Variants in SMYD1 observed in about 807,000 individuals in gnomAD.
SMYD1 encodes SET and MYND domain containing 1, also known as histone-lysine N-methyltransferase SMYD1.
Under a neutral mutation model 54.0 loss-of-function variants are expected in SMYD1, and 49 were observed. The observed-to-expected ratio is 0.91, with a 90% CI of 0.72 to 1.15. The LOEUF is 1.15. Ranked by LOEUF, SMYD1 falls within the 50% of genes most tolerant of loss-of-function variation. The probability of loss-of-function intolerance (pLI) is 0.00; values close to 1 mark genes in which losing one functional copy is unlikely to be tolerated. For missense variants in SMYD1, 653 were observed against 639.6 expected, an observed-to-expected ratio of 1.02 and a Z score of -0.23; for synonymous variants, 269 against 234.2, an observed-to-expected ratio of 1.15 and a Z score of -1.36.
intron 8 of SMYD1, among the ~76,000 whole-genome samples, chr2:88,107,124 C>T (rs1044123001): frequency 2.6e-5 from 4 of 152,030 alleles, no homozygotes; most frequent in Non-Finnish European, 5.9e-5. Flanking sequence ...TGGCGTGAAC[C>T]TGGGAGGCGG....
chr2:88,080,088 A>G (rs9309643), intron 1 of SMYD1, among the ~76,000 whole-genome samples: 9,030 of 152,268 alleles, frequency 0.059, 870 homozygotes, highest in African/African-American at 0.2. Context: ...ACATGTGTTC[A>G]TTGTGAGGGT....
Position 88,087,907 on chromosome 2 carries a change from G to C in SMYD1, c.360G>C (p.Gly120=), listed in dbSNP as rs1182826252. Reference sequence around the variant, plus strand: ...GGCGGGTGGAGAGAGAAGGCACCGGGCTCACGGAGGGCTGCCTGGTGTCCG... The same window carrying C: ...GGCGGGTGGAGAGAGAAGGCACCGGCCTCACGGAGGGCTGCCTGGTGTCCG... ...IMWRVEREGT[G]LTEGCLVSVD... is the part of the protein sequence containing the mutation. The change falls in exon 3 of 10, where the codon GGG becomes GGC. Residue 120 remains glycine (G), a synonymous_variant. Transcript: ENST00000419482. The C allele has an allele frequency of 8.7e-6, 14 of 1,610,686 alleles. No individual in the cohort carries two copies. The highest frequency in any genetic ancestry group is 1.0e-5 in the Non-Finnish European group (12 of 1,178,246).
At chr2:88,091,675 C>T (rs1674465374) in intron 4 of SMYD1, among the ~76,000 whole-genome samples, 1 of 152,042 alleles carries the variant, frequency 6.6e-6, no homozygotes, top group South Asian at 2.1e-4. Flanking sequence ...AGTGATACCC[C>T]CGTATCTATA....
chr2:88,102,161 T>C (rs1674736434), intron 6 of SMYD1, among the ~76,000 whole-genome samples: 1 of 152,152 alleles, frequency 6.6e-6, no homozygotes, highest in African/African-American at 2.4e-5. Flanking sequence ...ATTTTCATTT[T>C]GGAAGAAAGT....
At position 88,112,223 on chromosome 2, in the gene SMYD1, A is replaced by T; in HGVS notation, c.*1711A>T. The T allele has an allele frequency of 1.4e-6, 1 of 692,814 alleles. No individual in the cohort carries two copies. The highest frequency in any genetic ancestry group is 2.7e-6 in the Non-Finnish European group (1 of 377,132). 42.9% of individuals were successfully genotyped at this position (692,814 alleles called of 1,614,324 possible). A position where few individuals can be genotyped will look rare whatever the true frequency, so the allele number is the denominator to read the frequency against. ...TATCACTCTTTTACCTTCATATAAA[A>T]TGTCTCCCCCAAACCTTTTTCCCTT... On this transcript the variant is annotated 3_prime_UTR_variant, in exon 10 of 10. Coordinates refer to ENST00000419482, the MANE Select transcript of SMYD1 (RefSeq NM_198274.4).
chr2:88,090,882 C>A, intron 3 of SMYD1, 130 bp from the exon 4 acceptor site: 2 of 1,005,002 alleles, frequency 2.0e-6, no homozygotes, highest in African/African-American at 1.6e-5. Context: ...ACTAATTGTT[C>A]TGTGTCCAGA....
At chr2:88,069,163 G>A (rs368472995) in intron 1 of SMYD1, among the ~76,000 whole-genome samples, 478 of 152,282 alleles carry the variant, frequency 3.1e-3, no homozygotes, top group African/African-American at 0.011. Flanking sequence ...TATTTTCTGA[G>A]ATCAAGGTTG....
At chr2:88,106,163 A>G (rs1218059072) in intron 7 of SMYD1, among the ~76,000 whole-genome samples, 162 bp from the exon 8 acceptor site, 1 of 152,140 alleles carries the variant, frequency 6.6e-6, no homozygotes. Context: ...CAACAGGACC[A>G]CTTTGCAATT....
rs539240816 is a variant in SMYD1 at position 88,084,242 on chromosome 2, A to G, written c.138-74A>G. ...CAGCCAGCTGAACCAGTACTGGAAC[A>G]CAGGTGTCCCACTGGCTGCAGGGTG... On this transcript the variant is annotated intron_variant, in intron 1 of 9. Transcript: ENST00000419482. The G allele has an allele frequency of 3.7e-5, 48 of 1,309,622 alleles. No individual in the cohort carries two copies. In the South Asian group the frequency reaches 7.3e-4, roughly 20 times the overall value. 81.1% of individuals were successfully genotyped at this position (1,309,622 alleles called of 1,614,324 possible). A position where few individuals can be genotyped will look rare whatever the true frequency, so the allele number is the denominator to read the frequency against.
At chr2:88,102,112 GCATATGT>G (rs1674735399) in intron 6 of SMYD1, among the ~76,000 whole-genome samples, 1 of 150,744 alleles carries the variant, frequency 6.6e-6, no homozygotes, top group Non-Finnish European at 1.5e-5. Context: ...TTCACAACTT[GCATATGT>G]CAATTTTACA....
At chr2:88,103,875 T>G (rs533291227) in intron 7 of SMYD1, among the ~76,000 whole-genome samples, 1 of 152,302 alleles carries the variant, frequency 6.6e-6, no homozygotes, top group East Asian at 1.9e-4. Flanking sequence ...GAATTAGTAT[T>G]TTGTTCCTCA....
At chr2:88,084,695 C>A (rs1674281240) in intron 2 of SMYD1, among the ~76,000 whole-genome samples, 1 of 152,194 alleles carries the variant, frequency 6.6e-6, no homozygotes, top group Non-Finnish European at 1.5e-5. Context: ...TTCCAAACTG[C>A]AGTCACAGGC....
chr2:88,084,476 C>T lies in SMYD1; in HGVS notation c.298C>T (p.Pro100Ser). 1 of 1,587,238 alleles carries T rather than the reference C, an allele frequency of 6.3e-7. No homozygotes were observed. The highest frequency in any genetic ancestry group is 8.6e-7 in the Non-Finnish European group (1 of 1,158,400). ...CSAIKRYGKV[P>S]NENIRLAARI... ...GGCCATCAAGAGATATGGGAAGGTG[C>T]CCAATGAGAACATCAGGTGAGAGCT... Residue 100 changes from proline to serine, a missense_variant, in exon 2 of 10, where the codon CCC becomes TCC. Pro to Ser is a moderately conservative substitution (Grantham distance 74). Transcript: ENST00000419482.
Position 88,110,463 on chromosome 2 carries a change from C to G in SMYD1, c.1424C>G (p.Ala475Gly), listed in dbSNP as rs1674993859. The G allele has an allele frequency of 2.5e-6, 4 of 1,602,394 alleles. No homozygotes were observed. In the South Asian group the frequency reaches 4.5e-5, roughly 18 times the overall value. ...ALNNQPMQVM[A>G]EPSNEPSPAL... ...AACAACCAGCCCATGCAGGTCATGG[C>G]CGAGCCCAGCAATGAGCCATCCCCA... The change falls in exon 10 of 10, where the codon GCC becomes GGC. Residue 475 changes from alanine (A) to glycine (G), a missense_variant. Ala to Gly is a moderately conservative substitution (Grantham distance 60, BLOSUM62 0). Coordinates refer to ENST00000419482, the MANE Select transcript of SMYD1 (RefSeq NM_198274.4).
intron 9 of SMYD1, among the ~76,000 whole-genome samples, chr2:88,110,103 T>G (rs928615189): frequency 6.6e-6 from 1 of 152,156 alleles, no homozygotes; most frequent in African/African-American, 2.4e-5. Flanking sequence ...AAGCATTCTT[T>G]TCTGAGAACG....
Position 88,087,890 on chromosome 2 carries a change from G to A in SMYD1, c.343G>A (p.Glu115Lys). 1 of 1,597,384 alleles carries A rather than the reference G, an allele frequency of 6.3e-7. No individual in the cohort carries two copies. The highest frequency in any genetic ancestry group is 1.1e-5 in the South Asian group (1 of 88,994). ...GGCGGCGCGCATCATGTGGCGGGTG[G>A]AGAGAGAAGGCACCGGGCTCACGGA... is the stretch of plus-strand genomic sequence containing the variant. ...RLAARIMWRV[E>K]REGTGLTEGC... Residue 115 changes from glutamate (E) to lysine (K), a missense_variant, in exon 3 of 10, where the codon GAG becomes AAG. Coordinates refer to ENST00000419482, the MANE Select transcript of SMYD1 (RefSeq NM_198274.4).
chr2:88,101,700 G>A (rs1320120752), intron 6 of SMYD1, among the ~76,000 whole-genome samples: 2 of 152,298 alleles, frequency 1.3e-5, no homozygotes, highest in African/African-American at 4.8e-5. Flanking sequence ...CCGCTTCCCA[G>A]GTTCAAGTGA....
chr2:88,093,422 T>G, intron 4 of SMYD1, 95 bp from the exon 5 acceptor site: 1 of 1,432,262 alleles, frequency 7.0e-7, no homozygotes, highest in Non-Finnish European at 9.9e-7. Context: ...AAAGCTTTGA[T>G]ACTGTGACCC....
intron 1 of SMYD1, among the ~76,000 whole-genome samples, chr2:88,076,169 T>A (rs1674056883): frequency 6.6e-6 from 1 of 152,192 alleles, no homozygotes; most frequent in South Asian, 2.1e-4. Context: ...TGTGTTTATG[T>A]CCCATCCCAG....
Sources: allele counts gnomAD v4.1 joint callset (sites outside exome capture counted in the v4.1 genomes callset), GRCh38; gene constraint gnomAD v4.1.1; transcripts MANE v1.5; gene names NCBI Gene and HGNC (gene_info 2026-07-23, HGNC 2026-07-21).